Variants in RAB36 observed in about 807,000 individuals in gnomAD.
RAB36 encodes ras-related protein Rab-36.
A neutral mutation model predicts 39.3 loss-of-function variants in RAB36; 33 were observed. The observed-to-expected ratio is 0.84, with a 90% CI of 0.64 to 1.12. The LOEUF (loss-of-function observed/expected upper bound fraction) is 1.12. RAB36 is among the 50% of genes most tolerant of loss of function. RAB36 has a pLI of 0.00. For missense variants in RAB36, 308 were observed against 355.3 expected (o/e 0.87, Z 1.07); for synonymous variants, 133 against 140.2 (o/e 0.95, Z 0.36).
Position 23,161,647 on chromosome 22 carries a change from A to G in RAB36, c.*83A>G. ...GACTGTGGTGTGGAGACTGGAGCCC[A>G]AGCTCTGCAGCGTGTCGCCCTCAAG... On this transcript the variant is annotated 3_prime_UTR_variant, in exon 11 of 11. Coordinates refer to ENST00000263116, the MANE Select transcript of RAB36 (RefSeq NM_004914.5). The G allele has an allele frequency of 1.6e-6, 2 of 1,240,032 alleles. No individual in the cohort carries two copies. Among genetic ancestry groups the G allele is most frequent in the South Asian group, 2.7e-5 (2 of 73,992 alleles). 76.8% of individuals were successfully genotyped at this position (1,240,032 alleles called of 1,614,324 possible).
intron 4 of RAB36, 92 bp downstream of exon 4, chr22:23,152,618 G>T (rs921907984): frequency 9.7e-6 from 12 of 1,240,054 alleles, no homozygotes; most frequent in Non-Finnish European, 1.2e-5. Context: ...CAACATAGCA[G>T]AAATCATGTG....
chr22:23,150,065 G>A lies in RAB36; in HGVS notation c.72G>A (p.Trp24Ter), dbSNP rs1601896204. Residue 24 changes from tryptophan (W) to a stop codon, truncating the protein, a stop_gained and splice_region_variant, in exon 3 of 11, where the codon TGG becomes TGA. Transcript: ENST00000263116. LOFTEE classifies it high-confidence loss of function. ...RDRVIASFPK[W>*]YTPEACLQLR... Reference sequence around the variant, plus strand: ...TCCGTCTGTCTGTCTCTTTGCAGTGGTACACGCCGGAAGCCTGTTTGCAGC... The same window carrying A: ...TCCGTCTGTCTGTCTCTTTGCAGTGATACACGCCGGAAGCCTGTTTGCAGC... 2 of 1,606,610 alleles carry A rather than the reference G, an allele frequency of 1.2e-6. No homozygotes were observed. The highest frequency in any genetic ancestry group is 4.5e-5 in the East Asian group (2 of 44,642).
At chr22:23,156,707 A>T (rs2071472364) in intron 6 of RAB36, among the ~76,000 whole-genome samples, 1 of 152,234 alleles carries the variant, frequency 6.6e-6, no homozygotes, top group Non-Finnish European at 1.5e-5. Context: ...TTTCTTTTAG[A>T]CTTAAAAGAA....
Position 23,161,849 on chromosome 22 carries a change from G to T in RAB36, c.*285G>T. On this transcript the variant is annotated 3_prime_UTR_variant, in exon 11 of 11. Coordinates refer to ENST00000263116, the MANE Select transcript of RAB36 (RefSeq NM_004914.5). ...CCCATAAAAGGCCAGTCCATTTGCA[G>T]GGTCATCAGACAGTCACCTTTGGCC... 2.3e-6 allele frequency: 1 copy of T among 438,132 alleles called. No homozygotes were observed. The highest frequency in any genetic ancestry group is 3.8e-5 in the Admixed American group (1 of 26,240). The allele number at this position is 438,132 out of a possible 1,614,324, so 27.1% of individuals were successfully genotyped here. A position where few individuals can be genotyped will look rare whatever the true frequency, so the allele number is the denominator to read the frequency against.
intron 2 of RAB36, among the ~76,000 whole-genome samples, 176 bp from the exon 3 acceptor site, chr22:23,149,887 C>T (rs1270610087): frequency 6.6e-6 from 1 of 152,216 alleles, no homozygotes; most frequent in East Asian, 1.9e-4. Flanking sequence ...CCCAGAGCCT[C>T]AAGGCTGAGG....
At chr22:23,153,743 C>T (rs1213802686) in intron 5 of RAB36, 2 of 711,742 alleles carry the variant, frequency 2.8e-6, no homozygotes, top group Non-Finnish European at 3.4e-6. Context: ...GTCACCCAGG[C>T]TGGAGTGCAG....
chr22:23,159,066 G>T (rs940517982), intron 8 of RAB36, 87 bp downstream of exon 8: 10 of 1,588,262 alleles, frequency 6.3e-6, no homozygotes, highest in Non-Finnish European at 8.6e-6. Flanking sequence ...TGGGGAGGGA[G>T]GGAGGCAGCA....
chr22:23,156,126 C>T (rs571131826), intron 6 of RAB36, 94 bp downstream of exon 6: 1 of 854,766 alleles, frequency 1.2e-6, no homozygotes, highest in East Asian at 4.1e-5. Flanking sequence ...TGCACAGGCA[C>T]CAGTTTTTTG....
rs200147142 is a variant in RAB36 at position 23,156,143 on chromosome 22, A to G, written c.394+111A>G. The G allele has an allele frequency of 2.9e-3, 2,620 of 912,724 alleles. 9 individuals are homozygous for G. Among genetic ancestry groups the G allele is most frequent in the African/African-American group, 5.4e-3 (315 of 58,732 alleles). 56.5% of individuals were successfully genotyped at this position (912,724 alleles called of 1,614,324 possible). On this transcript the variant is annotated intron_variant, in intron 6 of 10. Coordinates refer to ENST00000263116, the MANE Select transcript of RAB36 (RefSeq NM_004914.5). ...CACAGGCACCAGTTTTTTGTCCTCC[A>G]AGACCCACTGAGAAAACACCAGGCC... is the stretch of plus-strand genomic sequence containing the variant.
At chr22:23,155,757 G>A (rs1006495265) in intron 5 of RAB36, among the ~76,000 whole-genome samples, 2 of 152,218 alleles carry the variant, frequency 1.3e-5, no homozygotes, top group Admixed American at 6.5e-5. Context: ...CATCCACTAG[G>A]AATGAGAGAA....
Position 23,162,197 on chromosome 22 carries a change from A to T in RAB36, c.*633A>T, listed in dbSNP as rs2071847396. 5.1e-6 allele frequency: 1 copy of T among 194,552 alleles called. No homozygotes were observed. Among genetic ancestry groups the T allele is most frequent in the Non-Finnish European group, 1.1e-5 (1 of 94,672 alleles). 12.1% of individuals were successfully genotyped at this position (194,552 alleles called of 1,614,324 possible). On this transcript the variant is annotated 3_prime_UTR_variant, in exon 11 of 11. Coordinates refer to ENST00000263116, the MANE Select transcript of RAB36 (RefSeq NM_004914.5). ...GAGGACAATGGACAAAATGTCTCTTAGACCTGTTCTGGCTGAAGGGCTATC... is the reference window on the plus strand; with the variant it reads ...GAGGACAATGGACAAAATGTCTCTTTGACCTGTTCTGGCTGAAGGGCTATC...
chr22:23,155,901 G>A (rs1286560809), intron 5 of RAB36, 67 bp from the exon 6 acceptor site: 4 of 1,449,106 alleles, frequency 2.8e-6, no homozygotes, highest in East Asian at 2.5e-5. Context: ...CCCGTAGCCT[G>A]TTGGCTCAAG....
chr22:23,155,078 T>G (rs1275612526), intron 5 of RAB36, among the ~76,000 whole-genome samples: 3 of 152,030 alleles, frequency 2.0e-5, no homozygotes, highest in Non-Finnish European at 2.9e-5. Context: ...TGAGCCAAGA[T>G]CATGCCATTA....
chr22:23,153,736 A>T (rs1206888050), intron 5 of RAB36: 47 of 743,648 alleles, frequency 6.3e-5, no homozygotes, highest in Non-Finnish European at 7.4e-5. Flanking sequence ...TTGCTCTGTC[A>T]CCCAGGCTGG....
At position 23,164,703 on chromosome 22, in the gene RAB36, G is replaced by A. The variant is rs560465865; in HGVS notation, c.*3139G>A. Among the ~76,000 whole-genome samples, 2 of 152,264 alleles carry A rather than the reference G, an allele frequency of 1.3e-5. No homozygotes were observed. Among genetic ancestry groups the A allele is most frequent in the African/African-American group, 2.4e-5 (1 of 41,542 alleles). On this transcript the variant is annotated 3_prime_UTR_variant, in exon 11 of 11. Coordinates refer to ENST00000263116, the MANE Select transcript of RAB36 (RefSeq NM_004914.5). ...ACAGTGACCGCGTCCAAGTGCTGCC[G>A]AAACGCCTTTTTCCTCTTCCCTGTT...
chr22:23,152,151 T>G (rs2071182211), intron 3 of RAB36, among the ~76,000 whole-genome samples: 1 of 152,222 alleles, frequency 6.6e-6, no homozygotes, highest in Non-Finnish European at 1.5e-5. Context: ...AGCCACACCC[T>G]GGCCTCCTGC....
chr22:23,152,167 C>T (rs2071184116), intron 3 of RAB36, among the ~76,000 whole-genome samples: 1 of 152,242 alleles, frequency 6.6e-6, no homozygotes, highest in Non-Finnish European at 1.5e-5. Flanking sequence ...CCTGCCTCTG[C>T]CCCTCCACCT....
intron 5 of RAB36, 114 bp from the exon 6 acceptor site, chr22:23,155,854 C>A: frequency 1.1e-6 from 1 of 890,930 alleles, no homozygotes; most frequent in Non-Finnish European, 1.6e-6. Flanking sequence ...GAAGCCCATG[C>A]AGCTGGCACA....
chr22:23,158,194 C>T, intron 7 of RAB36, 151 bp downstream of exon 7: 1 of 1,476,882 alleles, frequency 6.8e-7, no homozygotes, highest in Non-Finnish European at 9.0e-7. Flanking sequence ...GGACTACTTA[C>T]TGTCCAACTG....
Sources: gnomAD v4.1 joint callset for allele counts (sites outside exome capture counted in the v4.1 genomes callset) on GRCh38, gnomAD v4.1.1 for gene constraint, MANE v1.5 for transcripts, NCBI Gene and HGNC (gene_info 2026-07-23, HGNC 2026-07-21) for gene names.